ZRANB3: variants seen among roughly 807,000 people sequenced by gnomAD.
ZRANB3 encodes zinc finger RANBP2-type containing 3.
In ZRANB3, 125 loss-of-function variants were observed where a neutral mutation model predicts 133.8. The observed-to-expected ratio is 0.93, with a 90% CI of 0.81 to 1.08. ZRANB3 has a LOEUF of 1.08. Ranked by LOEUF, ZRANB3 falls within the 50% of genes least tolerant of loss-of-function variation. The probability of loss-of-function intolerance (pLI) is 0.00; values close to 1 mark genes in which losing one functional copy is unlikely to be tolerated. For synonymous variants in ZRANB3, 387 were observed against 432.7 expected, an observed-to-expected ratio of 0.89 and a Z score of 1.31; for missense variants, 1,229 against 1,275.5, an observed-to-expected ratio of 0.96 and a Z score of 0.56.
chr2:135,263,860 C>G (rs1004353260), intron 12 of ZRANB3, among the ~76,000 whole-genome samples: 3 of 151,768 alleles, frequency 2.0e-5, no homozygotes, highest in African/African-American at 7.3e-5. Flanking sequence ...ACCAAAACTT[C>G]CAGTTCCTGG....
chr2:135,418,925 CTTTTTTTTTTTTTTTT>C lies in ZRANB3; in HGVS notation c.162-28121_162-28106del, dbSNP rs769271961. 2.7e-4 allele frequency among the ~76,000 whole-genome samples: 23 copies of C among 85,898 alleles called. No homozygotes were observed. The East Asian group carries it at 2.7e-3, about 10-fold the overall frequency. The allele number at this position is 85,898 out of a possible 152,430, so 56.4% of individuals were successfully genotyped here. A position where few individuals can be genotyped will look rare whatever the true frequency, so the allele number is the denominator to read the frequency against. ...AAGTAATGAAAAATAAGGATTCTCTCTTTTTTTTTTTTTTTTTTTTTTTTTTTTTTGAGACGGAGTC... is the reference window on the plus strand; with the variant it reads ...AAGTAATGAAAAATAAGGATTCTCTCTTTTTTTTTTTTTTGAGACGGAGTC... On this transcript the variant is annotated intron_variant, in intron 2 of 20. Transcript: ENST00000264159.
chr2:135,412,007 G>A (rs969321714), intron 2 of ZRANB3, among the ~76,000 whole-genome samples: 8 of 151,984 alleles, frequency 5.3e-5, no homozygotes, highest in South Asian at 4.2e-4. Context: ...TTGTTTATAC[G>A]GTTATCTCTT....
intron 6 of ZRANB3, among the ~76,000 whole-genome samples, chr2:135,319,431 C>T (rs1367713758): frequency 6.6e-6 from 1 of 151,858 alleles, no homozygotes; most frequent in African/African-American, 2.4e-5. Context: ...CATGGATGAT[C>T]GAATTTTGTT....
intron 2 of ZRANB3, among the ~76,000 whole-genome samples, chr2:135,424,719 C>A (rs1480160490): frequency 6.6e-6 from 1 of 152,166 alleles, no homozygotes; most frequent in Non-Finnish European, 1.5e-5. Flanking sequence ...GGTGACAGTG[C>A]AAGACTCTAT....
At chr2:135,418,965 T>G (rs1688714452) in intron 2 of ZRANB3, among the ~76,000 whole-genome samples, 1 of 120,536 alleles carries the variant, frequency 8.3e-6, no homozygotes, top group Non-Finnish European at 1.6e-5. Context: ...TGAGACGGAG[T>G]CTCGTTCTGT....
At chr2:135,478,851 G>A (rs1170467184) in intron 2 of ZRANB3, among the ~76,000 whole-genome samples, 1 of 151,508 alleles carries the variant, frequency 6.6e-6, no homozygotes, top group Non-Finnish European at 1.5e-5. Flanking sequence ...ATGTTTATAT[G>A]TACTTAATAC....
At chr2:135,453,410 T>C (rs576331281) in intron 2 of ZRANB3, among the ~76,000 whole-genome samples, 1 of 152,350 alleles carries the variant, frequency 6.6e-6, no homozygotes, top group East Asian at 1.9e-4. Context: ...CCTCAAGAAA[T>C]AGATTTTTCT....
intron 3 of ZRANB3, among the ~76,000 whole-genome samples, chr2:135,376,062 G>A (rs895737734): frequency 6.6e-6 from 1 of 152,164 alleles, no homozygotes; most frequent in African/African-American, 2.4e-5. Context: ...TATAAGGGAA[G>A]AGGCATAGAC....
chr2:135,429,926 T>C (rs1394189838), intron 2 of ZRANB3, among the ~76,000 whole-genome samples: 2 of 152,170 alleles, frequency 1.3e-5, no homozygotes, highest in Non-Finnish European at 2.9e-5. Context: ...CTTATGTCTA[T>C]AATCCCAGCA....
intron 12 of ZRANB3, among the ~76,000 whole-genome samples, chr2:135,246,598 T>C (rs1222039782): frequency 6.6e-6 from 1 of 152,222 alleles, no homozygotes; most frequent in African/African-American, 2.4e-5. Flanking sequence ...CCTATAGTAA[T>C]TTTTATCACA....
At chr2:135,382,448 A>G (rs1237836530) in intron 3 of ZRANB3, among the ~76,000 whole-genome samples, 1 of 152,212 alleles carries the variant, frequency 6.6e-6, no homozygotes, top group East Asian at 1.9e-4. Context: ...AACTTCCCCC[A>G]TCTAGCAAGG....
At chr2:135,324,593 A>G (rs905225485) in intron 6 of ZRANB3, among the ~76,000 whole-genome samples, 65 of 152,292 alleles carry the variant, frequency 4.3e-4, no homozygotes, top group Admixed American at 1.1e-3. Context: ...TTGGGTATAT[A>G]CCCAGTAATG....
At chr2:135,510,933 G>A (rs917952841) in intron 1 of ZRANB3, 75 of 910,786 alleles carry the variant, frequency 8.2e-5, no homozygotes, top group Non-Finnish European at 1.3e-4. Context: ...GTGACTGTCA[G>A]GGTGTCTCAC....
At chr2:135,515,382 T>C (rs1158254477) in intron 1 of ZRANB3, among the ~76,000 whole-genome samples, 1 of 152,176 alleles carries the variant, frequency 6.6e-6, no homozygotes, top group Non-Finnish European at 1.5e-5. Flanking sequence ...TATTAGGGTG[T>C]CGATTTTAGA....
rs187772838 is a variant in ZRANB3 at position 135,485,121 on chromosome 2, C to T, written c.161+19208G>A. 2.7e-3 allele frequency among the ~76,000 whole-genome samples: 409 copies of T among 152,058 alleles called. 2 individuals carry two copies. Among genetic ancestry groups the T allele is most frequent in the Admixed American group, 4.0e-3 (61 of 15,242 alleles). ...CCTAGAAAGAACACTTCAGGCTATACATCTCAGAGAAACAAAACAAAACAA... is the reference window on the plus strand; with the variant it reads ...CCTAGAAAGAACACTTCAGGCTATATATCTCAGAGAAACAAAACAAAACAA... On this transcript the variant is annotated intron_variant, in intron 2 of 20. Transcript: ENST00000264159.
intron 15 of ZRANB3, among the ~76,000 whole-genome samples, chr2:135,222,017 C>A (rs767634610): frequency 1.4e-4 from 21 of 152,304 alleles, no homozygotes; most frequent in Admixed American, 5.2e-4. Context: ...AAAGTTTGGT[C>A]ATCTCCAACA....
intron 3 of ZRANB3, among the ~76,000 whole-genome samples, chr2:135,383,773 T>A (rs1052267813): frequency 1.3e-5 from 2 of 152,074 alleles, no homozygotes; most frequent in African/African-American, 4.8e-5. Context: ...AAGGCAGAAA[T>A]AAAGATGTTC....
intron 12 of ZRANB3, among the ~76,000 whole-genome samples, chr2:135,231,835 A>C (rs1467984864): frequency 2.0e-5 from 3 of 152,094 alleles, no homozygotes. Context: ...AGATGGCCGA[A>C]TAGGAACAGC....
chr2:135,490,494 A>AT (rs1692323480), intron 2 of ZRANB3, among the ~76,000 whole-genome samples: 1 of 152,154 alleles, frequency 6.6e-6, no homozygotes, highest in South Asian at 2.1e-4. Context: ...ATCAAAAAAA[A>AT]TGGGAATAAG....
Sources: gnomAD v4.1 joint callset for allele counts (sites outside exome capture counted in the v4.1 genomes callset) on GRCh38, gnomAD v4.1.1 for gene constraint, MANE v1.5 for transcripts, NCBI Gene and HGNC (gene_info 2026-07-23, HGNC 2026-07-21) for gene names.